BBS9: variants seen among roughly 807,000 people sequenced by gnomAD.
The protein encoded by BBS9 is Bardet-Biedl syndrome 9.
A neutral mutation model predicts 117.7 loss-of-function variants in BBS9; 89 were observed. The ratio of observed to expected loss-of-function variants is 0.76; its 90% CI spans 0.64 to 0.90. The LOEUF (loss-of-function observed/expected upper bound fraction) is 0.90. Among genes scored for constraint, BBS9 ranks in the 40% least tolerant of loss-of-function variants. BBS9 has a pLI of 0.00. For missense variants in BBS9, 982 were observed against 1,042.2 expected, an observed-to-expected ratio of 0.94 and a Z score of 0.80; for synonymous variants, 379 against 370.9, an observed-to-expected ratio of 1.02 and a Z score of -0.25.
intron 9 of BBS9, among the ~76,000 whole-genome samples, chr7:33,287,616 T>C (rs1377140532): frequency 1.3e-5 from 2 of 152,188 alleles, no homozygotes; most frequent in South Asian, 4.1e-4. Context: ...TGTGGAACTG[T>C]ATTCAATGGT....
chr7:33,544,194 T>C (rs904284893), intron 21 of BBS9, among the ~76,000 whole-genome samples: 1 of 152,236 alleles, frequency 6.6e-6, no homozygotes, highest in African/African-American at 2.4e-5. Flanking sequence ...TGAATTCTTT[T>C]TCAGGTAAAT....
intron 16 of BBS9, among the ~76,000 whole-genome samples, chr7:33,364,810 C>T (rs964801827): frequency 6.6e-6 from 1 of 150,382 alleles, no homozygotes; most frequent in African/African-American, 2.5e-5. Flanking sequence ...CCCACTGCAG[C>T]CTTGACATCC....
At chr7:33,527,049 T>G (rs1849643921) in intron 20 of BBS9, among the ~76,000 whole-genome samples, 1 of 151,624 alleles carries the variant, frequency 6.6e-6, no homozygotes, top group South Asian at 2.1e-4. Context: ...TGCCTCCCAG[T>G]TAGGCTGCTC....
At chr7:33,350,727 G>A (rs1020188080) in intron 13 of BBS9, among the ~76,000 whole-genome samples, 1 of 152,094 alleles carries the variant, frequency 6.6e-6, no homozygotes, top group Non-Finnish European at 1.5e-5. Flanking sequence ...TGTTACCTTA[G>A]GCAAGCTTCT....
At chr7:33,428,433 C>A (rs976319768) in intron 19 of BBS9, among the ~76,000 whole-genome samples, 2 of 152,162 alleles carry the variant, frequency 1.3e-5, no homozygotes, top group Admixed American at 6.6e-5. Flanking sequence ...ATCCTTTTCT[C>A]ACACCTCAGT....
intron 5 of BBS9, among the ~76,000 whole-genome samples, chr7:33,229,804 T>C (rs1157989173): frequency 1.3e-5 from 2 of 152,186 alleles, no homozygotes; most frequent in East Asian, 3.9e-4. Context: ...CATGTGATCA[T>C]TCTATTTTTA....
rs756620095 is a variant in BBS9, at chr7:33,605,204, C to T, written c.2642C>T (p.Pro881Leu). 3.7e-6 allele frequency: 6 copies of T among 1,612,446 alleles called. No homozygotes were observed. The highest frequency in any genetic ancestry group is 1.1e-5 in the South Asian group (1 of 91,048). Residue 881 changes from proline to leucine, a missense_variant, in exon 23 of 23, where the codon CCC becomes CTC. Transcript: ENST00000242067. Reference protein sequence around the residue: ...TAETPRPEVSPLQGVSE With the variant: ...TAETPRPEVSLLQGVSE The stretch of plus-strand genomic sequence containing the variant: ...CTCTCTTTTTTTCCAGAAGTTTCAC[C>T]CCTCCAAGGAGTCTCGGAATAATTC...
At chr7:33,223,068 G>A (rs1790564597) in intron 5 of BBS9, among the ~76,000 whole-genome samples, 1 of 151,610 alleles carries the variant, frequency 6.6e-6, no homozygotes, top group African/African-American at 2.4e-5. Flanking sequence ...TCTTACTTCA[G>A]GTCCCAACTT....
intron 7 of BBS9, among the ~76,000 whole-genome samples, chr7:33,267,516 ACT>A (rs1799031096): frequency 6.8e-6 from 1 of 146,712 alleles, no homozygotes; most frequent in African/African-American, 2.5e-5. Flanking sequence ...ATTAGCTATA[ACT>A]CTTTGTTTTG....
At chr7:33,613,347 C>A (rs1433036197) in intron 21 of BBS9, among the ~76,000 whole-genome samples, 2 of 152,154 alleles carry the variant, frequency 1.3e-5, no homozygotes, top group Non-Finnish European at 1.5e-5. Flanking sequence ...GTGAATTCTC[C>A]TTGATTAACG....
At chr7:33,300,856 T>A (rs1806256392) in intron 9 of BBS9, among the ~76,000 whole-genome samples, 1 of 152,200 alleles carries the variant, frequency 6.6e-6, no homozygotes, top group Non-Finnish European at 1.5e-5. Flanking sequence ...ATGGGTCTAC[T>A]GTTAAGTAAA....
At chr7:33,404,165 G>A (rs1285274536) in intron 19 of BBS9, among the ~76,000 whole-genome samples, 6 of 151,958 alleles carry the variant, frequency 3.9e-5, no homozygotes, top group East Asian at 1.9e-4. Context: ...GATATGCGGC[G>A]TTATTTCTGA....
chr7:33,322,356 CTTT>C (rs35411730), intron 9 of BBS9, among the ~76,000 whole-genome samples: 1,200 of 74,040 alleles, frequency 0.016, 10 homozygotes, highest in African/African-American at 0.053. Flanking sequence ...GGGTCTCAGG[CTTT>C]TTTTTTTTTT....
At chr7:33,273,622 A>T (rs557154190) in intron 8 of BBS9, among the ~76,000 whole-genome samples, 9 of 152,320 alleles carry the variant, frequency 5.9e-5, no homozygotes, top group Admixed American at 2.0e-4. Context: ...GTTGGTGATT[A>T]TCTAGTTATA....
intron 4 of BBS9, chr7:33,157,829 A>G (rs1281533616): frequency 6.8e-6 from 1 of 147,490 alleles, no homozygotes; most frequent in Non-Finnish European, 1.5e-5. Flanking sequence ...TTGGTGGGTT[A>G]TGTGTCATCA....
intron 4 of BBS9, among the ~76,000 whole-genome samples, chr7:33,159,067 C>A (rs534301248): frequency 9.3e-4 from 142 of 152,254 alleles, no homozygotes; most frequent in African/African-American, 3.2e-3. Context: ...CAGTGATTGG[C>A]ACAAGAGTAG....
chr7:33,370,255 C>G (rs1401328913), intron 17 of BBS9, among the ~76,000 whole-genome samples: 1 of 150,916 alleles, frequency 6.6e-6, no homozygotes, highest in African/African-American at 2.4e-5. Context: ...CCTAGCAGTT[C>G]AAGACCAGCC....
intron 10 of BBS9, 77 bp from the exon 11 acceptor site, chr7:33,340,820 G>A: frequency 7.6e-7 from 1 of 1,315,644 alleles, no homozygotes; most frequent in East Asian, 2.5e-5. Context: ...ATGTGGTATA[G>A]ACAAACCTTT....
intron 5 of BBS9, among the ~76,000 whole-genome samples, chr7:33,247,839 G>A (rs1331585769): frequency 6.6e-6 from 1 of 152,174 alleles, no homozygotes; most frequent in East Asian, 1.9e-4. Context: ...GTGGATGCAA[G>A]CAATAATATA....
Sources: allele counts gnomAD v4.1 joint callset (sites outside exome capture counted in the v4.1 genomes callset), GRCh38; gene constraint gnomAD v4.1.1; transcripts MANE v1.5; gene names NCBI Gene and HGNC (gene_info 2026-07-23, HGNC 2026-07-21).